POLR3E: variants seen among roughly 807,000 people sequenced by gnomAD.
The protein encoded by POLR3E is DNA-directed RNA polymerase III subunit RPC5.
A neutral mutation model predicts 96.6 loss-of-function variants in POLR3E; 41 were observed. The ratio of observed to expected loss-of-function variants is 0.42; its 90% CI spans 0.33 to 0.55. The LOEUF (loss-of-function observed/expected upper bound fraction) is 0.55, where lower values mean the gene tolerates loss of function less well. Ranked by LOEUF, POLR3E falls within the 20% of genes least tolerant of loss-of-function variation. The probability of loss-of-function intolerance (pLI) is 0.06; values close to 1 mark genes in which losing one functional copy is unlikely to be tolerated. For synonymous variants in POLR3E, 396 were observed against 383.6 expected, an observed-to-expected ratio of 1.03 and a Z score of -0.38; for missense variants, 849 against 952.1, an observed-to-expected ratio of 0.89 and a Z score of 1.43.
At chr16:22,320,486 C>T (rs1446663427) in intron 13 of POLR3E, among the ~76,000 whole-genome samples, 1 of 152,114 alleles carries the variant, frequency 6.6e-6, no homozygotes, top group East Asian at 1.9e-4. Flanking sequence ...GTCTTGAACT[C>T]CTGACCTCAG....
chr16:22,299,897 GGC>G (rs111521816), intron 1 of POLR3E, among the ~76,000 whole-genome samples: 10,323 of 151,902 alleles, frequency 0.068, 606 homozygotes, highest in African/African-American at 0.15. Context: ...GAGACCGGGG[GGC>G]GGGGGGCGCC....
At chr16:22,302,843 C>G in intron 1 of POLR3E, 88 bp from the exon 2 acceptor site, 1 of 890,330 alleles carries the variant, frequency 1.1e-6, no homozygotes. Flanking sequence ...GTGGGCTCCC[C>G]CTCCCAGTGC....
In POLR3E at chr16:22,313,996, T is replaced by G; in HGVS notation, c.473-83T>G. The G allele has an allele frequency of 7.9e-7, 1 of 1,263,584 alleles. No homozygotes were observed. Among genetic ancestry groups the G allele is most frequent in the Non-Finnish European group, 1.2e-6 (1 of 862,858 alleles). 78.3% of individuals were successfully genotyped at this position (1,263,584 alleles called of 1,614,324 possible). On this transcript the variant is annotated intron_variant, in intron 7 of 20. Transcript: ENST00000299853. The surrounding 1 kb of genome is among the most constrained non-coding windows in gnomAD (Gnocchi z 4.1). ...GAGGAGAACTCCCAGCACCCCGGCCTGAGGCTTCCCTGGCGGGTGGGGTTG... is the reference window on the plus strand; with the variant it reads ...GAGGAGAACTCCCAGCACCCCGGCCGGAGGCTTCCCTGGCGGGTGGGGTTG...
intron 6 of POLR3E, chr16:22,310,117 C>T (rs563759235): frequency 3.9e-5 from 6 of 155,232 alleles, no homozygotes; most frequent in South Asian, 2.0e-4. Flanking sequence ...CTCGCAGCTA[C>T]GCGCTGTGTG....
chr16:22,320,044 GTT>G (rs2048438242), intron 13 of POLR3E, among the ~76,000 whole-genome samples: 1 of 152,090 alleles, frequency 6.6e-6, no homozygotes, highest in Non-Finnish European at 1.5e-5. Flanking sequence ...TTACCCTACA[GTT>G]TTCAGCTTAC....
rs763379386 is a variant in POLR3E, at chr16:22,328,624, A to AG, written c.1944+43dup. 4.4e-6 allele frequency: 7 copies of AG among 1,576,500 alleles called. No individual in the cohort carries two copies. In the South Asian group the frequency reaches 5.5e-5, roughly 12 times the overall value. ...TTTGCTGCCATCTTCCCGAAGAGCC[A>AG]GGGGGGTTTCCTGCAGCGTTGGAGG... is the stretch of plus-strand genomic sequence containing the variant. On this transcript the variant is annotated intron_variant, in intron 19 of 20. Transcript: ENST00000299853.
rs188338610 is a variant in POLR3E, at chr16:22,311,913, G to A, written c.365-1707G>A. Among the ~76,000 whole-genome samples, 46 of 152,312 alleles carry A rather than the reference G, an allele frequency of 3.0e-4. 1 individual carries two copies. Among genetic ancestry groups the A allele is most frequent in the African/African-American group, 8.7e-4 (36 of 41,566 alleles). On this transcript the variant is annotated intron_variant, in intron 6 of 20. Coordinates refer to ENST00000299853, the MANE Select transcript of POLR3E (RefSeq NM_018119.4). ...ATAGGCCATACCATAGAGCCGAGGC[G>A]TGTAGTAGGCTCTGCTATCTGGGTT...
chr16:22,320,237 A>G (rs1034784331), intron 13 of POLR3E, among the ~76,000 whole-genome samples: 4 of 152,104 alleles, frequency 2.6e-5, no homozygotes, highest in African/African-American at 9.7e-5. Flanking sequence ...TAGTATATGT[A>G]CTGCCGAAGA....
intron 18 of POLR3E, chr16:22,328,004 G>C (rs571899692): frequency 6.4e-6 from 1 of 157,098 alleles, no homozygotes; most frequent in South Asian, 1.9e-4. Flanking sequence ...GGACCAAGTG[G>C]CCTGGATTGC....
chr16:22,298,554 T>C (rs12930464), intron 1 of POLR3E, among the ~76,000 whole-genome samples: 25,321 of 152,120 alleles, frequency 0.17, 2,817 homozygotes, highest in Non-Finnish European at 0.24. Flanking sequence ...CAAGCAGCTG[T>C]GGTGGGATTT....
rs376028275 is a variant in POLR3E, at chr16:22,328,556, C to T, written c.1913C>T (p.Ala638Val). 8 of 1,614,062 alleles carry T rather than the reference C, an allele frequency of 5.0e-6. No individual in the cohort carries two copies. Among genetic ancestry groups the T allele is most frequent in the Non-Finnish European group, 6.8e-6 (8 of 1,179,952 alleles). ...AASPDEQKVF[A>V]LWESGDMSDQ... Reference sequence around the variant, plus strand: ...TCCCCGGATGAGCAGAAGGTGTTTGCCCTCTGGGAGTCTGGAGACATGAGT... The same window carrying T: ...TCCCCGGATGAGCAGAAGGTGTTTGTCCTCTGGGAGTCTGGAGACATGAGT... Residue 638 changes from alanine (A) to valine (V), a missense_variant, in exon 19 of 21, where the codon GCC becomes GTC. Ala to Val is a moderately conservative substitution (Grantham distance 64). Transcript: ENST00000299853.
intron 2 of POLR3E, among the ~76,000 whole-genome samples, chr16:22,304,918 G>A (rs2048103748): frequency 6.6e-6 from 1 of 152,098 alleles, no homozygotes; most frequent in Non-Finnish European, 1.5e-5. Flanking sequence ...AACTTGGGTG[G>A]GGGTACCAGG....
rs868246885 is a variant in POLR3E at position 22,322,707 on chromosome 16, G to C, written c.987-143G>C. ...TTCCCATGTCTGTGTTCACAGATGTGGCTCCTAAGGGGAGGTCTTGGGGCT... is the reference window on the plus strand; with the variant it reads ...TTCCCATGTCTGTGTTCACAGATGTCGCTCCTAAGGGGAGGTCTTGGGGCT... On this transcript the variant is annotated intron_variant, in intron 13 of 20. Coordinates refer to ENST00000299853, the MANE Select transcript of POLR3E (RefSeq NM_018119.4). This position sits in a 1 kb window ranked among gnomAD's most constrained non-coding sequence, Gnocchi z 5.2. The C allele has an allele frequency of 1.3e-5, 8 of 606,290 alleles. No individual in the cohort carries two copies. The highest frequency in any genetic ancestry group is 5.8e-4 in the Middle Eastern group (2 of 3,444). 37.6% of individuals were successfully genotyped at this position (606,290 alleles called of 1,614,324 possible). A position where few individuals can be genotyped will look rare whatever the true frequency, so the allele number is the denominator to read the frequency against.
At chr16:22,323,773 C>T (rs2048518528) in intron 14 of POLR3E, among the ~76,000 whole-genome samples, 1 of 152,152 alleles carries the variant, frequency 6.6e-6, no homozygotes, top group African/African-American at 2.4e-5. Context: ...AGTGTGTAGA[C>T]ACTGTCAGAA....
intron 1 of POLR3E, among the ~76,000 whole-genome samples, chr16:22,301,394 C>A (rs1338031047): frequency 6.6e-6 from 1 of 151,834 alleles, no homozygotes; most frequent in Non-Finnish European, 1.5e-5. Context: ...CCAGCCTGGC[C>A]AATATGGCAA....
chr16:22,318,962 T>C lies in POLR3E; in HGVS notation c.986+16T>C, dbSNP rs775603570. On this transcript the variant is annotated intron_variant, in intron 13 of 20. Transcript: ENST00000299853. The surrounding 1 kb of genome is among the most constrained non-coding windows in gnomAD (Gnocchi z 5.0). ...TGGTGAAGAGGTAAGTTGCTTTTTT[T>C]ATTTTTTATTTTTATTTATTTTTTT... is the stretch of plus-strand genomic sequence containing the variant. The C allele has an allele frequency of 6.4e-7, 1 of 1,557,032 alleles. No homozygotes were observed. Among genetic ancestry groups the C allele is most frequent in the Non-Finnish European group, 8.7e-7 (1 of 1,150,162 alleles).
chr16:22,305,475 C>CT lies in POLR3E; in HGVS notation c.87+269_87+270insT, dbSNP rs771608408. ...CGGATTGAGATCCAACTCCATCACA[C>CT]CATAGCTGCGAGACCGTGGGCAAGT... On this transcript the variant is annotated intron_variant, in intron 3 of 20. Coordinates refer to ENST00000299853, the MANE Select transcript of POLR3E (RefSeq NM_018119.4). 6 of 668,380 alleles carry CT rather than the reference C, an allele frequency of 9.0e-6. No homozygotes were observed. In the South Asian group the frequency reaches 9.0e-5, roughly 10 times the overall value. The allele number at this position is 668,380 out of a possible 1,614,324, so 41.4% of individuals were successfully genotyped here.
At chr16:22,299,410 C>CTTTT (rs34579812) in intron 1 of POLR3E, among the ~76,000 whole-genome samples, 2 of 117,364 alleles carry the variant, frequency 1.7e-5, no homozygotes, top group African/African-American at 3.6e-5. Context: ...ATATGATTTA[C>CTTTT]TTTTTTTTTT....
intron 14 of POLR3E, among the ~76,000 whole-genome samples, chr16:22,323,464 G>C (rs2048512665): frequency 6.6e-6 from 1 of 152,110 alleles, no homozygotes; most frequent in Non-Finnish European, 1.5e-5. Flanking sequence ...ACTCCATGCA[G>C]CTGGGAGCCA....
Sources: gnomAD v4.1 joint callset for allele counts (sites outside exome capture counted in the v4.1 genomes callset) on GRCh38, gnomAD v4.1.1 for gene constraint, Gnocchi (gnomAD v3.1) non-coding constraint, MANE v1.5 for transcripts, NCBI Gene and HGNC (gene_info 2026-07-23, HGNC 2026-07-21) for gene names.